The following ARHGEF3 variants were observed in gnomAD, a reference collection of about 807,000 sequenced individuals.
The protein encoded by ARHGEF3 is Rho guanine nucleotide exchange factor 3, also known as 59.8 kDA protein.
A neutral mutation model predicts 63.2 loss-of-function variants in ARHGEF3; 28 were observed. The observed-to-expected ratio is 0.44, with a 90% CI of 0.33 to 0.61. The LOEUF is 0.61. ARHGEF3 is among the 20% of genes least tolerant of loss of function. ARHGEF3 has a pLI of 0.03. For synonymous variants in ARHGEF3, 266 were observed against 254.2 expected (o/e 1.05, Z -0.44); for missense variants, 533 against 659.3 (o/e 0.81, Z 2.10).
At chr3:56,945,852 G>A (rs957453470) in intron 3 of ARHGEF3, among the ~76,000 whole-genome samples, 5 of 152,158 alleles carry the variant, frequency 3.3e-5, no homozygotes, top group East Asian at 1.9e-4. Flanking sequence ...CCTGACCCCC[G>A]AGTAACCTAA....
At chr3:56,968,611 G>A (rs112699951) in intron 2 of ARHGEF3, among the ~76,000 whole-genome samples, 42 of 150,598 alleles carry the variant, frequency 2.8e-4, no homozygotes, top group African/African-American at 9.8e-4. Context: ...TTACAGGTGT[G>A]AGCCACCATA....
intron 4 of ARHGEF3, among the ~76,000 whole-genome samples, chr3:56,866,191 C>T (rs1342464046): frequency 6.6e-6 from 1 of 151,974 alleles, no homozygotes. Context: ...CAAAACAAAC[C>T]CCACCTTTCT....
chr3:57,075,767 G>A (rs1227886799), intron 1 of ARHGEF3, among the ~76,000 whole-genome samples: 3 of 152,178 alleles, frequency 2.0e-5, no homozygotes, highest in Non-Finnish European at 2.9e-5. Context: ...CCAAGATCAC[G>A]CCACTGCATG....
rs1041423351 is a variant in ARHGEF3, at chr3:56,959,001, A to G, written c.63-112T>C. ...GAGAGATGCCTCAAGAAATGGCCCAAACAAGGTGGATGGAGTTTTCAACAG... is the reference window on the plus strand; with the variant it reads ...GAGAGATGCCTCAAGAAATGGCCCAGACAAGGTGGATGGAGTTTTCAACAG... On this transcript the variant is annotated intron_variant, in intron 2 of 12. Coordinates refer to the ARHGEF3 transcript ENST00000338458. 4 of 1,148,534 alleles carry G rather than the reference A, an allele frequency of 3.5e-6. No individual in the cohort carries two copies. The African/African-American group carries it at 6.2e-5, about 18-fold the overall frequency. The allele number at this position is 1,148,534 out of a possible 1,614,324, so 71.1% of individuals were successfully genotyped here.
intron 2 of ARHGEF3, among the ~76,000 whole-genome samples, chr3:56,993,726 AAGG>A (rs1343186723): frequency 6.6e-6 from 1 of 151,454 alleles, no homozygotes; most frequent in Non-Finnish European, 1.5e-5. Context: ...CCTCATGTGG[AAGG>A]AGAAATATTC....
At chr3:56,814,063 G>A (rs2038171898) in intron 4 of ARHGEF3, among the ~76,000 whole-genome samples, 1 of 152,192 alleles carries the variant, frequency 6.6e-6, no homozygotes, top group South Asian at 2.1e-4. Flanking sequence ...ATTATAAAGT[G>A]AAGAGCTAGT....
At chr3:56,757,200 C>T (rs1216476823) in intron 2 of ARHGEF3, among the ~76,000 whole-genome samples, 1 of 152,206 alleles carries the variant, frequency 6.6e-6, no homozygotes, top group Non-Finnish European at 1.5e-5. Context: ...TGGCTGGGCA[C>T]AGTGGCTCAC....
intron 3 of ARHGEF3, among the ~76,000 whole-genome samples, chr3:56,906,599 GCCGAGGCAAGTGGATCA>G (rs1468737414): frequency 6.6e-6 from 1 of 152,168 alleles, no homozygotes; most frequent in Non-Finnish European, 1.5e-5. Context: ...ACTTCGGGAG[GCCGAGGCAAGTGGATCA>G]CCTGAGGTCA....
In ARHGEF3 at chr3:56,771,610, G is replaced by C. The variant is rs76507502; in HGVS notation, c.204+2099C>G. Among the ~76,000 whole-genome samples the C allele has an allele frequency of 4.6e-5, 7 of 152,284 alleles. No individual in the cohort carries two copies. The East Asian group carries it at 1.4e-3, about 29-fold the overall frequency. On this transcript the variant is annotated intron_variant, in intron 2 of 9. Transcript: ENST00000296315. ...GGTCTAGCTCATTACTGCCATGTGGGAACACAGCACTGCAGCAAACCTACC... is the reference window on the plus strand; with the variant it reads ...GGTCTAGCTCATTACTGCCATGTGGCAACACAGCACTGCAGCAAACCTACC...
chr3:56,803,704 G>C (rs1484826318), upstream of ARHGEF3, among the ~76,000 whole-genome samples: 1 of 152,040 alleles, frequency 6.6e-6, no homozygotes, highest in African/African-American at 2.4e-5. Context: ...TCCCGAGGTT[G>C]AGGTGGGAGG....
chr3:56,769,679 C>A (rs770706494), intron 2 of ARHGEF3, among the ~76,000 whole-genome samples: 1 of 152,208 alleles, frequency 6.6e-6, no homozygotes, highest in Non-Finnish European at 1.5e-5. Context: ...CCTGGGCTAA[C>A]TTGTGGTCTC....
chr3:57,012,911 C>T (rs559606985), intron 2 of ARHGEF3, among the ~76,000 whole-genome samples: 3 of 152,306 alleles, frequency 2.0e-5, no homozygotes, highest in Admixed American at 6.5e-5. Context: ...ACCGGGGCTG[C>T]GCACGGGCTC....
chr3:56,827,206 T>G (rs977736495), intron 4 of ARHGEF3, among the ~76,000 whole-genome samples: 1 of 151,970 alleles, frequency 6.6e-6, no homozygotes, highest in African/African-American at 2.4e-5. Context: ...ACTGGGAAAA[T>G]ATAGTTACAA....
Position 56,729,180 on chromosome 3 carries a change from A to G in ARHGEF3, c.*90T>C, listed in dbSNP as rs2032923516. 8.4e-7 allele frequency: 1 copy of G among 1,183,870 alleles called. No homozygotes were observed. The highest frequency in any genetic ancestry group is 2.5e-5 in the Admixed American group (1 of 39,496). The allele number at this position is 1,183,870 out of a possible 1,614,324, so 73.3% of individuals were successfully genotyped here. A position where few individuals can be genotyped will look rare whatever the true frequency, so the allele number is the denominator to read the frequency against. ...CATGTATACTTTCACAAAAGTATGA[A>G]AAAGTGCTTCTCCAAACCGTTCCAT... On this transcript the variant is annotated 3_prime_UTR_variant, in exon 10 of 10. Coordinates refer to ENST00000296315, the MANE Select transcript of ARHGEF3 (RefSeq NM_019555.3).
chr3:56,756,276 T>C (rs1418867544), intron 2 of ARHGEF3, among the ~76,000 whole-genome samples: 3 of 152,148 alleles, frequency 2.0e-5, no homozygotes, highest in Non-Finnish European at 2.9e-5. Flanking sequence ...CAAAACCACA[T>C]TGTTATTTAG....
chr3:57,048,565 C>T (rs568780483), intron 1 of ARHGEF3, among the ~76,000 whole-genome samples: 4 of 152,126 alleles, frequency 2.6e-5, no homozygotes, highest in African/African-American at 4.8e-5. Flanking sequence ...CAGATGCTTC[C>T]GGAGGCAAAG....
chr3:56,838,526 A>G lies in ARHGEF3; in HGVS notation c.192+43766T>C, dbSNP rs552707683. 6.6e-5 allele frequency among the ~76,000 whole-genome samples: 10 copies of G among 152,340 alleles called. No homozygotes were observed. In the South Asian group the frequency reaches 2.1e-3, roughly 32 times the overall value. ...GTAATGTTCTCCATGTGCCTCATTT[A>G]CAGGTACTTTTCTTTCCATAATTCT... is the stretch of plus-strand genomic sequence containing the variant. On this transcript the variant is annotated intron_variant, in intron 4 of 12. Coordinates refer to the ARHGEF3 transcript ENST00000338458.
chr3:56,979,981 G>A (rs1226474475), intron 2 of ARHGEF3, among the ~76,000 whole-genome samples: 4 of 152,106 alleles, frequency 2.6e-5, no homozygotes, highest in South Asian at 2.1e-4. Flanking sequence ...ATCACACATC[G>A]ACCACTCACT....
chr3:57,066,837 C>A (rs1191017771), intron 1 of ARHGEF3, among the ~76,000 whole-genome samples: 1 of 152,102 alleles, frequency 6.6e-6, no homozygotes, highest in Non-Finnish European at 1.5e-5. Context: ...AGAATTCTAC[C>A]CAGAGAGCCT....
Sources: gnomAD v4.1 joint callset for allele counts (sites outside exome capture counted in the v4.1 genomes callset) on GRCh38, gnomAD v4.1.1 for gene constraint, MANE v1.5 for transcripts, NCBI Gene and HGNC (gene_info 2026-07-23, HGNC 2026-07-21) for gene names.